IQCM: variants seen among roughly 807,000 people sequenced by gnomAD.
IQCM encodes IQ domain-containing protein M.
In IQCM, 45 loss-of-function variants were observed where a neutral mutation model predicts 57.6. That is an observed-to-expected ratio of 0.78 (90% CI 0.62 to 1.00). The LOEUF (loss-of-function observed/expected upper bound fraction) is 1.00. Among genes scored for constraint, IQCM ranks in the 50% least tolerant of loss-of-function variants. The pLI, the probability that IQCM is intolerant of heterozygous loss-of-function variation, is 0.00. For missense variants in IQCM, 468 were observed against 511.6 expected, an observed-to-expected ratio of 0.91 and a Z score of 0.82; for synonymous variants, 148 against 158.9, an observed-to-expected ratio of 0.93 and a Z score of 0.51.
intron 2 of IQCM, among the ~76,000 whole-genome samples, chr4:149,764,451 G>T (rs543631369): frequency 1.3e-5 from 2 of 152,166 alleles, no homozygotes; most frequent in South Asian, 4.1e-4. Flanking sequence ...AACTTTTGTC[G>T]CTGTGCAGCT....
intron 2 of IQCM, among the ~76,000 whole-genome samples, chr4:149,810,383 A>G (rs1484506821): frequency 6.6e-6 from 1 of 151,892 alleles, no homozygotes; most frequent in Non-Finnish European, 1.5e-5. Flanking sequence ...AAAAAAAAGA[A>G]AAGTTGGAGT....
intron 7 of IQCM, among the ~76,000 whole-genome samples, chr4:149,625,833 C>T (rs1756747185): frequency 6.6e-6 from 1 of 152,048 alleles, no homozygotes; most frequent in South Asian, 2.1e-4. Flanking sequence ...ACCAAGGCAC[C>T]ACATTTTTGG....
intron 8 of IQCM, among the ~76,000 whole-genome samples, chr4:149,598,812 T>A (rs1414912438): frequency 6.6e-6 from 1 of 152,224 alleles, no homozygotes; most frequent in Non-Finnish European, 1.5e-5. Context: ...AGCTGTTTGC[T>A]ATTGCCTGGA....
At chr4:149,465,396 G>C (rs920508180) in intron 12 of IQCM, among the ~76,000 whole-genome samples, 3 of 152,084 alleles carry the variant, frequency 2.0e-5, no homozygotes, top group Non-Finnish European at 4.4e-5. Flanking sequence ...TAGGAGCCAA[G>C]GGACAAAACT....
chr4:149,570,413 T>C (rs1458177298), intron 9 of IQCM, among the ~76,000 whole-genome samples: 1 of 152,082 alleles, frequency 6.6e-6, no homozygotes, highest in East Asian at 1.9e-4. Context: ...GCTCGCTCTT[T>C]TCTATATTGG....
chr4:149,639,425 TAAAAA>T (rs1284156035), intron 7 of IQCM, among the ~76,000 whole-genome samples: 1 of 120,422 alleles, frequency 8.3e-6, no homozygotes. Flanking sequence ...GATCCTGTCT[TAAAAA>T]AAAAAAAAAA....
intron 12 of IQCM, among the ~76,000 whole-genome samples, chr4:149,463,578 A>T (rs1217786368): frequency 6.6e-6 from 1 of 152,198 alleles, no homozygotes; most frequent in Non-Finnish European, 1.5e-5. Flanking sequence ...CATATTCTGA[A>T]TCCCTGAGGA....
At chr4:149,561,490 G>C (rs539507566) in intron 10 of IQCM, among the ~76,000 whole-genome samples, 128 of 152,192 alleles carry the variant, frequency 8.4e-4, no homozygotes, top group Admixed American at 8.2e-3. Context: ...AGGTATTTGT[G>C]GAGTGCCTAC....
intron 12 of IQCM, among the ~76,000 whole-genome samples, chr4:149,509,041 T>C (rs1376210248): frequency 6.6e-6 from 1 of 152,214 alleles, no homozygotes; most frequent in Non-Finnish European, 1.5e-5. Flanking sequence ...TTGTAAGACC[T>C]TACCAGCCAC....
chr4:149,784,560 T>C (rs11934223), intron 2 of IQCM, among the ~76,000 whole-genome samples: 75,146 of 151,914 alleles, frequency 0.49, 22,147 homozygotes, highest in African/African-American at 0.8. Context: ...GGACTACAGG[T>C]GCCCGCCACT....
chr4:149,586,636 T>A (rs1752671050), intron 9 of IQCM, among the ~76,000 whole-genome samples: 1 of 151,694 alleles, frequency 6.6e-6, no homozygotes, highest in African/African-American at 2.4e-5. Context: ...ACCTGTTACA[T>A]GTGCCCTTAA....
chr4:149,533,433 G>C (rs1746950315), intron 12 of IQCM, among the ~76,000 whole-genome samples: 1 of 152,028 alleles, frequency 6.6e-6, no homozygotes, highest in Non-Finnish European at 1.5e-5. Context: ...TCTTTATAGA[G>C]AATTTTTAAA....
At chr4:149,795,226 A>G in intron 2 of IQCM, among the ~76,000 whole-genome samples, 1 of 152,154 alleles carries the variant, frequency 6.6e-6, no homozygotes, top group Non-Finnish European at 1.5e-5. Flanking sequence ...AAACAGATTA[A>G]TAACTCCTCC....
At chr4:149,791,704 T>A (rs552234696) in intron 2 of IQCM, among the ~76,000 whole-genome samples, 62 of 152,330 alleles carry the variant, frequency 4.1e-4, no homozygotes, top group African/African-American at 8.9e-4. Flanking sequence ...TTATTGTGCA[T>A]AAGTAACATA....
intron 12 of IQCM, among the ~76,000 whole-genome samples, chr4:149,454,469 T>C (rs2111429936): frequency 6.6e-6 from 1 of 151,460 alleles, no homozygotes; most frequent in East Asian, 2.0e-4. Context: ...TACTTTAGGG[T>C]TGGGAGTGGG....
At position 149,681,016 on chromosome 4, in the gene IQCM, A is replaced by T. The variant is rs371635642; in HGVS notation, c.565+1102T>A. Among the ~76,000 whole-genome samples, 17 of 151,478 alleles carry T rather than the reference A, an allele frequency of 1.1e-4. No homozygotes were observed. The East Asian group carries it at 1.4e-3, about 12-fold the overall frequency. ...GATGATGACACAACTGACCCATGTG[A>T]GGTGAATGATACTTGAAGACTGAGG... On this transcript the variant is annotated intron_variant, in intron 7 of 13. Transcript: ENST00000636793.
At chr4:149,490,691 C>T (rs1295711664) in intron 12 of IQCM, among the ~76,000 whole-genome samples, 1 of 152,052 alleles carries the variant, frequency 6.6e-6, no homozygotes, top group Non-Finnish European at 1.5e-5. Context: ...GTTTTGAGGA[C>T]TCATATGTAT....
intron 13 of IQCM, among the ~76,000 whole-genome samples, chr4:149,366,153 C>A (rs1003484464): frequency 1.3e-5 from 2 of 151,870 alleles, no homozygotes; most frequent in African/African-American, 4.8e-5. Flanking sequence ...TATAGGAGGG[C>A]TATCACCAGT....
At chr4:149,450,538 A>G (rs1345829319) in intron 12 of IQCM, among the ~76,000 whole-genome samples, 2 of 151,848 alleles carry the variant, frequency 1.3e-5, no homozygotes, top group African/African-American at 4.8e-5. Flanking sequence ...TCCAATTAAA[A>G]ACTGGTCAAA....
Sources: allele counts gnomAD v4.1 joint callset (sites outside exome capture counted in the v4.1 genomes callset), GRCh38; gene constraint gnomAD v4.1.1; transcripts MANE v1.5; gene names NCBI Gene and HGNC (gene_info 2026-07-23, HGNC 2026-07-21).